TTC7A: variants seen among roughly 807,000 people sequenced by gnomAD.
TTC7A encodes tetratricopeptide repeat protein 7A.
TTC7A carries 110 observed loss-of-function variants against 103.7 expected under a neutral mutation model. The ratio of observed to expected loss-of-function variants is 1.06; its 90% CI spans 0.91 to 1.24. TTC7A has a LOEUF of 1.24. TTC7A is among the 50% of genes most tolerant of loss of function. TTC7A has a pLI of 0.00. For missense variants in TTC7A, 1,340 were observed against 1,116.3 expected (o/e 1.20, Z -2.86); for synonymous variants, 521 against 467.9 (o/e 1.11, Z -1.47).
chr2:47,063,891 G>A (rs545386426), intron 19 of TTC7A, among the ~76,000 whole-genome samples: 1 of 152,370 alleles, frequency 6.6e-6, no homozygotes, highest in East Asian at 1.9e-4. Context: ...TGTAGTCCTT[G>A]GAGTGGGATT....
chr2:46,974,908 T>A, intron 3 of TTC7A, 65 bp from the exon 4 acceptor site: 2 of 1,572,180 alleles, frequency 1.3e-6, no homozygotes, highest in Non-Finnish European at 8.7e-7. Flanking sequence ...CTTCGGCCCA[T>A]GGGGAGGGCC....
At chr2:47,031,223 A>T (rs1323215280) in intron 15 of TTC7A, among the ~76,000 whole-genome samples, 1 of 152,232 alleles carries the variant, frequency 6.6e-6, no homozygotes, top group Non-Finnish European at 1.5e-5. Flanking sequence ...AAATCCTAAC[A>T]CAGAGAAAAC....
At chr2:46,955,282 C>A (rs891314505) in intron 2 of TTC7A, among the ~76,000 whole-genome samples, 11 of 152,198 alleles carry the variant, frequency 7.2e-5, no homozygotes, top group African/African-American at 2.7e-4. Context: ...GAGTCACTGC[C>A]CAGCTTGGAA....
rs1018718172 is a variant in TTC7A, at chr2:46,951,386, A to G, written c.348+860A>G. Among the ~76,000 whole-genome samples the G allele has an allele frequency of 3.3e-5, 5 of 152,218 alleles. No individual in the cohort carries two copies. In the South Asian group the frequency reaches 1.0e-3, roughly 32 times the overall value. ...GCTCTCCTGGGTGATTCATATGTGC[A>G]TCCAAGTTTGAGGCTGTGGCTGTGT... On this transcript the variant is annotated intron_variant, in intron 2 of 19. Transcript: ENST00000319190.
At chr2:46,951,561 C>G (rs181937157) in intron 2 of TTC7A, 1 of 448,274 alleles carries the variant, frequency 2.2e-6, no homozygotes. Flanking sequence ...CTCTGTCTCT[C>G]TCTTTCTTTC....
chr2:46,992,266 C>T (rs539827440), intron 5 of TTC7A, among the ~76,000 whole-genome samples: 2 of 152,338 alleles, frequency 1.3e-5, no homozygotes, highest in Non-Finnish European at 2.9e-5. Flanking sequence ...AGCGATGCGC[C>T]TGGCCCTCAG....
At chr2:46,930,708 C>T (rs560689112) in intron 2 of TTC7A, among the ~76,000 whole-genome samples, 1 of 152,158 alleles carries the variant, frequency 6.6e-6, no homozygotes, top group East Asian at 1.9e-4. Flanking sequence ...GCCTGTTGGC[C>T]AAGCTGGTCT....
intron 2 of TTC7A, among the ~76,000 whole-genome samples, chr2:46,923,435 G>A (rs1050519064): frequency 2.6e-5 from 4 of 152,222 alleles, no homozygotes. Context: ...TTTAAGGATT[G>A]TAGGAGTTGT....
At chr2:46,918,683 CTG>C (rs1558470678) in intron 2 of TTC7A, among the ~76,000 whole-genome samples, 1 of 152,234 alleles carries the variant, frequency 6.6e-6, no homozygotes, top group African/African-American at 2.4e-5. Flanking sequence ...CGTAGTGAAA[CTG>C]TCACTTGCTG....
At chr2:47,023,865 C>T (rs1472808251) in intron 13 of TTC7A, among the ~76,000 whole-genome samples, 3 of 150,918 alleles carry the variant, frequency 2.0e-5, no homozygotes, top group Non-Finnish European at 4.4e-5. Flanking sequence ...CCACTAAACC[C>T]ACCCACCCCT....
rs551185216 is a variant in TTC7A at position 47,045,322 on chromosome 2, G to C, written c.1803-993G>C. Among the ~76,000 whole-genome samples the C allele has an allele frequency of 2.6e-4, 39 of 152,318 alleles. 1 individual carries two copies. The highest frequency in any genetic ancestry group is 9.4e-4 in the African/African-American group (39 of 41,572). ...TGAAGGGCCAACACCAGTCACAGCAGGGCCTCCAGGGCTCCACCCCAGCTC... is the reference window on the plus strand; with the variant it reads ...TGAAGGGCCAACACCAGTCACAGCACGGCCTCCAGGGCTCCACCCCAGCTC... On this transcript the variant is annotated intron_variant, in intron 15 of 19. Transcript: ENST00000319190.
chr2:47,017,324 G>A (rs1329838937), intron 11 of TTC7A, among the ~76,000 whole-genome samples: 1 of 151,714 alleles, frequency 6.6e-6, no homozygotes, highest in African/African-American at 2.4e-5. Context: ...AGACAAGCCT[G>A]GACCACATAG....
chr2:46,978,817 A>T lies in TTC7A; in HGVS notation c.674A>T (p.His225Leu), dbSNP rs1235842870. The T allele has an allele frequency of 2.5e-6, 4 of 1,613,940 alleles. No individual in the cohort carries two copies. The African/African-American group carries it at 5.3e-5, about 22-fold the overall frequency. ...ACCACAAATAACAGCACGTCGAGGCATCTGAAAGGCTGTCACCCGCTTGAC... is the reference window on the plus strand; with the variant it reads ...ACCACAAATAACAGCACGTCGAGGCTTCTGAAAGGCTGTCACCCGCTTGAC... ...EKTTNNSTSRHLKGCHPLDYE... is the reference protein window; with the variant it reads ...EKTTNNSTSRLLKGCHPLDYE... Residue 225 changes from histidine to leucine, a missense_variant, in exon 5 of 20, where the codon CAT (histidine) becomes CTT (leucine). Coordinates refer to ENST00000319190, the MANE Select transcript of TTC7A (RefSeq NM_020458.4).
At chr2:47,022,121 A>G (rs1679360666) in intron 12 of TTC7A, 142 bp downstream of exon 12, 3 of 609,470 alleles carry the variant, frequency 4.9e-6, no homozygotes, top group Non-Finnish European at 8.8e-6. Flanking sequence ...AGAGATGCCC[A>G]TGTGTGCACA....
intron 15 of TTC7A, among the ~76,000 whole-genome samples, chr2:47,034,578 T>C (rs1437952180): frequency 6.6e-6 from 1 of 152,088 alleles, no homozygotes; most frequent in Non-Finnish European, 1.5e-5. Context: ...CCAAACAAAG[T>C]TCCTCAGCTC....
intron 3 of TTC7A, among the ~76,000 whole-genome samples, chr2:46,969,501 G>A (rs1673166190): frequency 6.6e-6 from 1 of 151,386 alleles, no homozygotes; most frequent in African/African-American, 2.4e-5. Flanking sequence ...TGCAACCTCC[G>A]ACTCCCTGGT....
At chr2:47,021,034 G>T (rs2104542721) in intron 11 of TTC7A, among the ~76,000 whole-genome samples, 1 of 152,360 alleles carries the variant, frequency 6.6e-6, no homozygotes, top group East Asian at 1.9e-4. Flanking sequence ...ATGGCATTCA[G>T]TCTCTTGCTG....
chr2:47,057,350 C>G (rs1229536429), intron 18 of TTC7A, among the ~76,000 whole-genome samples: 1 of 152,182 alleles, frequency 6.6e-6, no homozygotes, highest in Non-Finnish European at 1.5e-5. Flanking sequence ...GTGGAGCAGC[C>G]CTAACGGTTC....
intron 10 of TTC7A, among the ~76,000 whole-genome samples, chr2:47,009,376 A>G (rs1677768449): frequency 6.6e-6 from 1 of 152,118 alleles, no homozygotes; most frequent in Non-Finnish European, 1.5e-5. Flanking sequence ...CTTTGAGGAA[A>G]GAGCCATGAC....
Sources: gnomAD v4.1 joint callset for allele counts (sites outside exome capture counted in the v4.1 genomes callset) on GRCh38, gnomAD v4.1.1 for gene constraint, MANE v1.5 for transcripts, NCBI Gene and HGNC (gene_info 2026-07-23, HGNC 2026-07-21) for gene names.